Variants in ZEB1 observed in about 807,000 individuals in gnomAD.
The protein encoded by ZEB1 is zinc finger E-box binding homeobox 1, also known as zinc finger E-box-binding homeobox 1.
A neutral mutation model predicts 84.9 loss-of-function variants in ZEB1; 21 were observed. The observed-to-expected ratio is 0.25, with a 90% confidence interval of 0.18 to 0.36. The LOEUF (loss-of-function observed/expected upper bound fraction) is 0.36. ZEB1 is among the 10% of genes least tolerant of loss of function. The pLI is 1.00. For missense variants in ZEB1, 1,104 were observed against 1,330.2 expected (o/e 0.83, Z 2.65); for synonymous variants, 420 against 471.1 (o/e 0.89, Z 1.41).
At chr10:31,382,021 A>AAAAAAAAAC (rs2047757776) in intron 1 of ZEB1, among the ~76,000 whole-genome samples, 1 of 149,852 alleles carries the variant, frequency 6.7e-6, no homozygotes. Context: ...AAAAAAAAAA[A>AAAAAAAAAC]AAAAAAAAAA....
At chr10:31,360,420 T>C (rs928344727) in intron 1 of ZEB1, among the ~76,000 whole-genome samples, 1 of 152,234 alleles carries the variant, frequency 6.6e-6, no homozygotes, top group African/African-American at 2.4e-5. Context: ...TAACAAATGC[T>C]AGTTCCTTTC....
In ZEB1 at chr10:31,528,369, G is replaced by A. The variant is rs1023613488; in HGVS notation, c.*1105G>A. ...CAGAATTTCTCTACAGAAACGAAAG[G>A]GAAATTTTCTAATCTGCTTTATCCA... On this transcript the variant is annotated 3_prime_UTR_variant, in exon 9 of 9. Transcript: ENST00000424869. The A allele has an allele frequency of 2.6e-5, 4 of 152,068 alleles. No individual in the cohort carries two copies. Among genetic ancestry groups the A allele is most frequent in the Non-Finnish European group, 5.9e-5 (4 of 68,010 alleles). 9.4% of individuals were successfully genotyped at this position (152,068 alleles called of 1,614,324 possible). A position where few individuals can be genotyped will look rare whatever the true frequency, so the allele number is the denominator to read the frequency against.
chr10:31,527,105 G>A lies in ZEB1; in HGVS notation c.3219G>A (p.Val1073=), dbSNP rs894561582. ...AAGAGGAGGAGGAGGAGGAAGAAGT[G>A]GAAGAAGAAGAGGTAGAAGAGGCAG... is the stretch of plus-strand genomic sequence containing the variant. ...DEEEEEEEEE[V]EEEEVEEAEN... Residue 1073 remains valine (V), a synonymous_variant, in exon 9 of 9, where the codon GTG becomes GTA. Transcript: ENST00000424869. The A allele has an allele frequency of 6.2e-7, 1 of 1,600,486 alleles. No homozygotes were observed. The highest frequency in any genetic ancestry group is 2.3e-5 in the East Asian group (1 of 43,756).
chr10:31,362,863 A>G (rs775615988), intron 1 of ZEB1: 24 of 1,204,552 alleles, frequency 2.0e-5, no homozygotes, highest in South Asian at 6.5e-5. Flanking sequence ...CAACTGTCTT[A>G]GTCTCCTGAA....
intron 7 of ZEB1, 112 bp downstream of exon 7, chr10:31,522,048 C>A: frequency 6.8e-7 from 1 of 1,475,048 alleles, no homozygotes; most frequent in Non-Finnish European, 9.3e-7. Context: ...TTATTACAAA[C>A]TGTCATTTTT....
chr10:31,461,652 A>C (rs2137473005), intron 2 of ZEB1, among the ~76,000 whole-genome samples: 1 of 152,034 alleles, frequency 6.6e-6, no homozygotes, highest in South Asian at 2.1e-4. Flanking sequence ...GTGCTTGTAA[A>C]CCTCTCTATA....
chr10:31,468,327 T>C (rs368953962), intron 2 of ZEB1, among the ~76,000 whole-genome samples: 1 of 152,020 alleles, frequency 6.6e-6, no homozygotes, highest in Admixed American at 6.5e-5. Flanking sequence ...AAAATCCCAC[T>C]GTCATCACTG....
At chr10:31,476,017 T>G (rs1195430762) in intron 2 of ZEB1, among the ~76,000 whole-genome samples, 7 of 151,940 alleles carry the variant, frequency 4.6e-5, no homozygotes, top group African/African-American at 1.7e-4. Context: ...AAGCAGGACT[T>G]AACCATCTGC....
intron 1 of ZEB1, among the ~76,000 whole-genome samples, chr10:31,440,360 T>A (rs2058776789): frequency 6.6e-6 from 1 of 152,016 alleles, no homozygotes; most frequent in Admixed American, 6.5e-5. Context: ...TCAACAGCCC[T>A]TCATGCTAAA....
In ZEB1 at chr10:31,452,664, T is replaced by C. The variant is rs35459670; in HGVS notation, c.59-8373T>C. On this transcript the variant is annotated intron_variant, in intron 1 of 8. Transcript: ENST00000424869. ...AGCAAATAATTCTATACCTACTATG[T>C]AGAAGGCAGTATGCCAGTGACTGTA... Among the ~76,000 whole-genome samples, 493 of 151,048 alleles carry C rather than the reference T, an allele frequency of 3.3e-3. 9 individuals are homozygous for C. In the East Asian group the frequency reaches 0.038, roughly 12 times the overall value.
chr10:31,344,792 T>A (rs2040008767), intron 1 of ZEB1, among the ~76,000 whole-genome samples: 1 of 152,122 alleles, frequency 6.6e-6, no homozygotes, highest in Non-Finnish European at 1.5e-5. Context: ...TAACTTGTTC[T>A]GGGTTATTTT....
intron 1 of ZEB1, chr10:31,387,032 G>C: frequency 1.1e-6 from 1 of 926,162 alleles, no homozygotes; most frequent in Non-Finnish European, 1.3e-6. Context: ...TCTAATTTCT[G>C]TTCTCAAAAC....
chr10:31,442,417 G>T (rs1253339232), intron 1 of ZEB1, among the ~76,000 whole-genome samples: 1 of 152,106 alleles, frequency 6.6e-6, no homozygotes, highest in Non-Finnish European at 1.5e-5. Context: ...GTGGCATGGG[G>T]GTAGGGGGGA....
intron 1 of ZEB1, chr10:31,322,226 ATTGTG>A (rs2034275397): frequency 6.6e-6 from 1 of 152,406 alleles, no homozygotes; most frequent in Non-Finnish European, 1.5e-5. Flanking sequence ...GTTATATTCC[ATTGTG>A]TTGTGAAACC....
chr10:31,450,576 G>T (rs2137027822), intron 1 of ZEB1, among the ~76,000 whole-genome samples: 1 of 151,630 alleles, frequency 6.6e-6, no homozygotes, highest in African/African-American at 2.4e-5. Flanking sequence ...TTTAAAAATT[G>T]GTTTATTCTT....
At chr10:31,431,928 G>GT (rs1191343808) in intron 1 of ZEB1, among the ~76,000 whole-genome samples, 1 of 152,162 alleles carries the variant, frequency 6.6e-6, no homozygotes, top group Non-Finnish European at 1.5e-5. Flanking sequence ...TTTTAAACAC[G>GT]TAAGAACAGA....
chr10:31,433,372 A>G (rs1050329916), intron 1 of ZEB1, among the ~76,000 whole-genome samples: 2 of 152,224 alleles, frequency 1.3e-5, no homozygotes, highest in Admixed American at 1.3e-4. Context: ...TCTCATTTAC[A>G]TCTGAAAGCT....
chr10:31,407,575 T>C (rs2053360709), intron 1 of ZEB1, among the ~76,000 whole-genome samples: 1 of 152,108 alleles, frequency 6.6e-6, no homozygotes, highest in Non-Finnish European at 1.5e-5. Flanking sequence ...TGTGTCTTTA[T>C]AGCAGCATGA....
chr10:31,437,676 T>C (rs1363050145), intron 1 of ZEB1, among the ~76,000 whole-genome samples: 2 of 152,164 alleles, frequency 1.3e-5, no homozygotes, highest in Admixed American at 1.3e-4. Flanking sequence ...TAGATTACTA[T>C]ATGTTGTCAT....
Sources: allele counts gnomAD v4.1 joint callset (sites outside exome capture counted in the v4.1 genomes callset), GRCh38; gene constraint gnomAD v4.1.1; transcripts MANE v1.5; gene names NCBI Gene and HGNC (gene_info 2026-07-23, HGNC 2026-07-21).